Variants in OSBPL7 observed in about 807,000 individuals in gnomAD.
OSBPL7 encodes oxysterol binding protein like 7, also known as oxysterol-binding protein-related protein 7.
A neutral mutation model predicts 115.8 loss-of-function variants in OSBPL7; 66 were observed. The observed-to-expected ratio is 0.57, with a 90% CI of 0.47 to 0.70. The LOEUF (loss-of-function observed/expected upper bound fraction) is 0.70, where lower values mean the gene tolerates loss of function less well. Ranked by LOEUF, OSBPL7 falls within the 30% of genes least tolerant of loss-of-function variation. The probability of loss-of-function intolerance (pLI) is 0.00; values close to 1 mark genes in which losing one functional copy is unlikely to be tolerated. For missense variants in OSBPL7, 902 were observed against 1,125.5 expected (o/e 0.80, Z 2.84); for synonymous variants, 441 against 439.2 (o/e 1.00, Z -0.05).
At position 47,816,068 on chromosome 17, in the gene OSBPL7, C is replaced by T; in HGVS notation, c.1119+39G>A. The T allele has an allele frequency of 1.3e-6, 2 of 1,512,400 alleles. No individual in the cohort carries two copies. The highest frequency in any genetic ancestry group is 1.7e-4 in the Middle Eastern group (1 of 5,830). 93.7% of individuals were successfully genotyped at this position (1,512,400 alleles called of 1,614,324 possible). On this transcript the variant is annotated intron_variant, in intron 12 of 22. Coordinates refer to ENST00000007414, the MANE Select transcript of OSBPL7 (RefSeq NM_145798.3). This position sits in a 1 kb window ranked among gnomAD's most constrained non-coding sequence, Gnocchi z 5.8. The stretch of plus-strand genomic sequence containing the variant: ...TTGGCTTTCGCTGGGAGAGAAGGCA[C>T]AGGAGAATCGGCCCCCACAGCCCAC...
intron 20 of OSBPL7, 36 bp from the exon 21 acceptor site, chr17:47,809,026 T>C (rs202209936): frequency 2.5e-6 from 4 of 1,613,670 alleles, no homozygotes; most frequent in Non-Finnish European, 2.5e-6. Flanking sequence ...AGGTGCACCA[T>C]GCCTGAGCTG....
At chr17:47,817,617 C>A (rs576942393) in intron 7 of OSBPL7, among the ~76,000 whole-genome samples, 6 of 152,230 alleles carry the variant, frequency 3.9e-5, no homozygotes, top group Non-Finnish European at 7.4e-5. Flanking sequence ...CCTCGAACTC[C>A]TGACCTCAGG....
chr17:47,812,734 C>T (rs1325276185), intron 16 of OSBPL7, among the ~76,000 whole-genome samples: 1 of 152,208 alleles, frequency 6.6e-6, no homozygotes, highest in African/African-American at 2.4e-5. Context: ...CCCTGTCGGC[C>T]TCCGCCAACC....
At chr17:47,818,198 T>G (rs1598024960) in intron 7 of OSBPL7, 71 bp downstream of exon 7, 1 of 1,325,466 alleles carries the variant, frequency 7.5e-7, no homozygotes. Flanking sequence ...GGGATGGAGG[T>G]AACATTTTCC....
At chr17:47,820,470 T>C (rs1019746272) in intron 1 of OSBPL7, 105 bp from the exon 2 acceptor site, 16 of 586,462 alleles carry the variant, frequency 2.7e-5, no homozygotes, top group Non-Finnish European at 3.9e-5. Context: ...ACATACCCTC[T>C]GCTCACCTGC....
In OSBPL7 at chr17:47,808,321, A is replaced by G. The variant is rs9907142; in HGVS notation, c.2499T>C (p.Tyr833=). Residue 833 remains tyrosine (Y), a synonymous_variant, in exon 23 of 23, where the codon TAT becomes TAC. Coordinates refer to ENST00000007414, the MANE Select transcript of OSBPL7 (RefSeq NM_145798.3). This position sits in a 1 kb window ranked among gnomAD's most constrained non-coding sequence, Gnocchi z 6.1. ...AGAGCACGGCCCCATCCATGTTCCC[A>G]TAGCCTGGCTCGGCCCGCAGCCTCC... ...TYWRLRAEPG[Y]GNMDGAVLW is the part of the protein sequence containing the mutation. 0.93 allele frequency: 1,497,965 copies of G among 1,613,702 alleles called. 697,089 individuals are homozygous for G. The highest frequency in any genetic ancestry group is 0.95 in the Non-Finnish European group (1,117,637 of 1,179,844).
At chr17:47,811,882 G>A (rs11870002) in intron 16 of OSBPL7, among the ~76,000 whole-genome samples, 78,224 of 152,068 alleles carry the variant, frequency 0.51, 20,373 homozygotes, top group East Asian at 0.7. Context: ...CACACACTTC[G>A]TTGTTCACAT....
In OSBPL7 at chr17:47,807,548, A is replaced by G. The variant is rs1281020381; in HGVS notation, c.*743T>C. The G allele has an allele frequency of 6.5e-6, 1 of 152,724 alleles. No homozygotes were observed. The highest frequency in any genetic ancestry group is 1.5e-5 in the Non-Finnish European group (1 of 68,308). 9.5% of individuals were successfully genotyped at this position (152,724 alleles called of 1,614,324 possible). ...GGCGCACACGCATACACTCTCCTAC[A>G]TGAACTTACACTCACACCTGCGCAC... On this transcript the variant is annotated 3_prime_UTR_variant, in exon 23 of 23. Coordinates refer to ENST00000007414, the MANE Select transcript of OSBPL7 (RefSeq NM_145798.3).
At chr17:47,818,760 G>C (rs1487374399) in intron 5 of OSBPL7, 144 bp from the exon 6 acceptor site, 2 of 830,944 alleles carry the variant, frequency 2.4e-6, no homozygotes, top group Non-Finnish European at 1.9e-6. Flanking sequence ...CAGGGAGACA[G>C]AGCGCAAGGC....
At position 47,819,755 on chromosome 17, in the gene OSBPL7, G is replaced by A; in HGVS notation, c.229C>T (p.Leu77Phe). The A allele has an allele frequency of 6.2e-7, 1 of 1,614,128 alleles. No individual in the cohort carries two copies. The highest frequency in any genetic ancestry group is 8.5e-7 in the Non-Finnish European group (1 of 1,180,008). Residue 77 changes from leucine (L) to phenylalanine (F), a missense_variant, in exon 4 of 23, where the codon CTT (leucine) becomes TTT (phenylalanine). Transcript: ENST00000007414. ...KRYFVLEDGI[L>F]HYATTRQDIT... ...TCTTGCCGGGTTGTTGCATAATGAA[G>A]GATCCCGTCCTCGAGCACAAAGTAT...
intron 14 of OSBPL7, among the ~76,000 whole-genome samples, chr17:47,814,209 A>G (rs1365006437): frequency 6.6e-6 from 1 of 152,230 alleles, no homozygotes; most frequent in Non-Finnish European, 1.5e-5. Context: ...TCTCAGAAGT[A>G]AAATGAGAGG....
chr17:47,813,527 A>G, intron 15 of OSBPL7, 60 bp downstream of exon 15: 1 of 1,586,032 alleles, frequency 6.3e-7, no homozygotes, highest in African/African-American at 1.3e-5. Context: ...TTTCTGGGAG[A>G]AAAGATCCCA....
chr17:47,818,353 C>G lies in OSBPL7; in HGVS notation c.514G>C (p.Ala172Pro), dbSNP rs759797217. The change falls in exon 7 of 23, where the codon GCC becomes CCC. Residue 172 changes from alanine (A) to proline (P), a missense_variant. Coordinates refer to ENST00000007414, the MANE Select transcript of OSBPL7 (RefSeq NM_145798.3). The part of the protein sequence containing the change: ...PGAQLPTAAT[A>P]SALPGLGPRE... ...GGTCCAAGCCCAGGTAGGGCTGAGG[C>G]AGTAGCTGCTGTTGGAAGCTGGGCA... The G allele has an allele frequency of 6.2e-7, 1 of 1,614,120 alleles. No individual in the cohort carries two copies. Among genetic ancestry groups the G allele is most frequent in the South Asian group, 1.1e-5 (1 of 91,080 alleles).
At position 47,818,500 on chromosome 17, in the gene OSBPL7, C is replaced by CTG. The variant is rs2033296265; in HGVS notation, c.480+5_480+6insCA. 2.4e-5 allele frequency: 39 copies of CTG among 1,594,638 alleles called. No homozygotes were observed. The Admixed American group carries it at 5.1e-4, about 21-fold the overall frequency. ...TTACCTGCCCCCACCCCAGGGTCCA[C>CTG]CTTACCTTCCGGTGAGCAGTACTGG... is the stretch of plus-strand genomic sequence containing the variant. On this transcript the variant is annotated splice_donor_region_variant and intron_variant, in intron 6 of 22. Transcript: ENST00000007414.
Position 47,809,057 on chromosome 17 carries a change from C to A in OSBPL7, c.2170+19G>T. ...AGCTGCTCCAGCCTCACCCAGCCCT[C>A]TGTGACCCCTCCACTTACTGGGTTT... is the stretch of plus-strand genomic sequence containing the variant. On this transcript the variant is annotated intron_variant, in intron 20 of 22. Coordinates refer to ENST00000007414, the MANE Select transcript of OSBPL7 (RefSeq NM_145798.3). 1 of 1,613,888 alleles carries A rather than the reference C, an allele frequency of 6.2e-7. No individual in the cohort carries two copies. The highest frequency in any genetic ancestry group is 8.5e-7 in the Non-Finnish European group (1 of 1,180,028).
At chr17:47,817,178 G>T in intron 8 of OSBPL7, 78 bp downstream of exon 8, 1 of 1,167,878 alleles carries the variant, frequency 8.6e-7, no homozygotes, top group Non-Finnish European at 1.2e-6. Context: ...CAGCGATGTA[G>T]GAGGAATAGG....
At chr17:47,809,622 C>T in intron 18 of OSBPL7, 144 bp from the exon 19 acceptor site, 1 of 892,068 alleles carries the variant, frequency 1.1e-6, no homozygotes, top group Non-Finnish European at 1.7e-6. Flanking sequence ...TGAAGGATGA[C>T]TTATATTCAC....
intron 16 of OSBPL7, among the ~76,000 whole-genome samples, chr17:47,811,619 T>C (rs2033044185): frequency 6.6e-6 from 1 of 152,170 alleles, no homozygotes; most frequent in Non-Finnish European, 1.5e-5. Context: ...AATCCTCCTC[T>C]GAGGACCCAG....
chr17:47,812,074 T>G (rs1028528451), intron 16 of OSBPL7, among the ~76,000 whole-genome samples: 2 of 152,168 alleles, frequency 1.3e-5, no homozygotes, highest in African/African-American at 4.8e-5. Flanking sequence ...TGCCTCGACC[T>G]TTATCCCCCA....
Sources: allele counts gnomAD v4.1 joint callset (sites outside exome capture counted in the v4.1 genomes callset), GRCh38; gene constraint gnomAD v4.1.1; non-coding constraint Gnocchi (gnomAD v3.1); transcripts MANE v1.5; gene names NCBI Gene and HGNC (gene_info 2026-07-23, HGNC 2026-07-21).